DPYSL2: variants seen among roughly 807,000 people sequenced by gnomAD.
DPYSL2 encodes dihydropyrimidinase like 2, also known as dihydropyrimidinase-related protein 2.
In DPYSL2, 13 loss-of-function variants were observed where a neutral mutation model predicts 69.9. The observed-to-expected ratio is 0.19, with a 90% CI of 0.12 to 0.30. DPYSL2 has a LOEUF of 0.30. Among genes scored for constraint, DPYSL2 ranks in the 10% least tolerant of loss-of-function variants. The probability of loss-of-function intolerance (pLI) is 1.00; values close to 1 mark genes in which losing one functional copy is unlikely to be tolerated. For missense variants in DPYSL2, 587 were observed against 918.9 expected (o/e 0.64, Z 4.67); for synonymous variants, 326 against 359.1 (o/e 0.91, Z 1.04).
intron 1 of DPYSL2, among the ~76,000 whole-genome samples, chr8:26,519,319 C>T (rs1391396488): frequency 7.2e-5 from 11 of 152,176 alleles, no homozygotes; most frequent in Non-Finnish European, 4.4e-5. Context: ...TGTTTAATTA[C>T]CTCATTCTAG....
At chr8:26,601,257 G>A (rs191047664) in intron 3 of DPYSL2, among the ~76,000 whole-genome samples, 25 of 152,278 alleles carry the variant, frequency 1.6e-4, no homozygotes, top group Admixed American at 1.6e-3. Context: ...GGGAGAGGCT[G>A]AGGGACTTAC....
intron 4 of DPYSL2, among the ~76,000 whole-genome samples, chr8:26,625,910 C>T (rs1159021422): frequency 6.6e-6 from 1 of 152,100 alleles, no homozygotes; most frequent in Non-Finnish European, 1.5e-5. Context: ...AATGTTGTTG[C>T]AACCATCACC....
chr8:26,565,798 A>G lies in DPYSL2; in HGVS notation c.355-16171A>G, dbSNP rs1191005545. Reference sequence around the variant, plus strand: ...GTCCCCGCTCCATGCAATTAACTGGAAAGTCAAACTGCTGGTGGTTCTAAC... The same window carrying G: ...GTCCCCGCTCCATGCAATTAACTGGGAAGTCAAACTGCTGGTGGTTCTAAC... On this transcript the variant is annotated intron_variant, in intron 1 of 13. Transcript: ENST00000521913. The surrounding 1 kb of genome is among the most constrained non-coding windows in gnomAD (Gnocchi z 4.1). Among the ~76,000 whole-genome samples the G allele has an allele frequency of 6.6e-6, 1 of 152,188 alleles. No homozygotes were observed. The highest frequency in any genetic ancestry group is 1.5e-5 in the Non-Finnish European group (1 of 68,022).
chr8:26,618,499 T>G (rs991645138), intron 3 of DPYSL2, among the ~76,000 whole-genome samples: 4 of 68,736 alleles, frequency 5.8e-5, no homozygotes, highest in African/African-American at 1.1e-4. Flanking sequence ...TTTTTTTTTT[T>G]GTAGAGTTGG....
chr8:26,556,819 A>G (rs995696940), intron 1 of DPYSL2, among the ~76,000 whole-genome samples: 2 of 152,150 alleles, frequency 1.3e-5, no homozygotes, highest in African/African-American at 4.8e-5. Context: ...CAAATTAGAT[A>G]CCATCTGACT....
At chr8:26,576,048 T>TCA (rs1801322270) in intron 1 of DPYSL2, among the ~76,000 whole-genome samples, 2 of 152,224 alleles carry the variant, frequency 1.3e-5, no homozygotes, top group Non-Finnish European at 2.9e-5. Context: ...GCTTGCGGCA[T>TCA]ATCAGATTGC....
Position 26,652,582 on chromosome 8 carries a change from G to A in DPYSL2, c.1776+146G>A. 1.1e-6 allele frequency: 1 copy of A among 882,764 alleles called. No individual in the cohort carries two copies. The highest frequency in any genetic ancestry group is 1.7e-6 in the Non-Finnish European group (1 of 597,732). The allele number at this position is 882,764 out of a possible 1,614,324, so 54.7% of individuals were successfully genotyped here. On this transcript the variant is annotated intron_variant, in intron 12 of 13. Transcript: ENST00000521913. This position sits in a 1 kb window ranked among gnomAD's most constrained non-coding sequence, Gnocchi z 6.3. ...GAGGGAGCCTGAATTTTTTATTCCT[G>A]GCATTTAAAATACTGGAGAAGGAGT...
Position 26,652,511 on chromosome 8 carries a change from C to T in DPYSL2, c.1776+75C>T, listed in dbSNP as rs1212153289. On this transcript the variant is annotated intron_variant, in intron 12 of 13. Transcript: ENST00000521913. The surrounding 1 kb of genome is among the most constrained non-coding windows in gnomAD (Gnocchi z 6.3). ...CAAGGCCACAAACATTTATTAAGCA[C>T]CTTGAGACAGAATATTAAGATGAAT... 2 of 1,435,732 alleles carry T rather than the reference C, an allele frequency of 1.4e-6. No individual in the cohort carries two copies. Among genetic ancestry groups the T allele is most frequent in the South Asian group, 1.3e-5 (1 of 74,090 alleles). The allele number at this position is 1,435,732 out of a possible 1,614,324, so 88.9% of individuals were successfully genotyped here. A position where few individuals can be genotyped will look rare whatever the true frequency, so the allele number is the denominator to read the frequency against.
intron 1 of DPYSL2, among the ~76,000 whole-genome samples, chr8:26,528,616 C>T (rs62492701): frequency 0.013 from 1,940 of 150,232 alleles, 21 homozygotes; most frequent in Middle Eastern, 0.076. Flanking sequence ...CACTGCACTC[C>T]AGCCTGGCGA....
chr8:26,645,588 G>A (rs1181604591), intron 10 of DPYSL2, among the ~76,000 whole-genome samples: 2 of 152,090 alleles, frequency 1.3e-5, no homozygotes, highest in Non-Finnish European at 2.9e-5. Context: ...TTGAGATGGA[G>A]TCTCACTCTG....
rs146566376 is a variant in DPYSL2 at position 26,585,521 on chromosome 8, G to T, written c.628+1538G>T. On this transcript the variant is annotated intron_variant, in intron 3 of 13. Coordinates refer to ENST00000521913, the MANE Select transcript of DPYSL2 (RefSeq NM_001197293.3). This position sits in a 1 kb window ranked among gnomAD's most constrained non-coding sequence, Gnocchi z 4.0. Reference sequence around the variant, plus strand: ...CGACTTGTGTCTTGCTGTACATGTTGCCCTTTAACCTAGTGGGTGCCATTT... The same window carrying T: ...CGACTTGTGTCTTGCTGTACATGTTTCCCTTTAACCTAGTGGGTGCCATTT... 2.0e-5 allele frequency among the ~76,000 whole-genome samples: 3 copies of T among 152,210 alleles called. No individual in the cohort carries two copies. The East Asian group carries it at 5.8e-4, about 29-fold the overall frequency.
chr8:26,522,486 A>G (rs547742433), intron 1 of DPYSL2, among the ~76,000 whole-genome samples: 2 of 152,330 alleles, frequency 1.3e-5, no homozygotes, highest in South Asian at 2.1e-4. Flanking sequence ...GAAGGTTCCA[A>G]CTTCTGCACA....
At chr8:26,532,739 G>A (rs1450800890) in intron 1 of DPYSL2, among the ~76,000 whole-genome samples, 1 of 152,114 alleles carries the variant, frequency 6.6e-6, no homozygotes, top group Non-Finnish European at 1.5e-5. Flanking sequence ...TCCATTGTAT[G>A]GATATAATAC....
chr8:26,547,153 A>G (rs574763096), intron 1 of DPYSL2, among the ~76,000 whole-genome samples: 1 of 151,874 alleles, frequency 6.6e-6, no homozygotes, highest in South Asian at 2.1e-4. Flanking sequence ...GCTTGAGCCA[A>G]GGAGTTGGAG....
Position 26,624,364 on chromosome 8 carries a change from G to A in DPYSL2, c.793+57G>A. 1.3e-6 allele frequency: 2 copies of A among 1,585,178 alleles called. No homozygotes were observed. Among genetic ancestry groups the A allele is most frequent in the East Asian group, 2.2e-5 (1 of 44,596 alleles). ...ATGTTTCCGCTTCAGTCCATCAACT[G>A]GCACAGCCCTGGGAAGAAAGTGATA... On this transcript the variant is annotated intron_variant, in intron 4 of 13. Transcript: ENST00000521913. The surrounding 1 kb of genome is among the most constrained non-coding windows in gnomAD (Gnocchi z 4.7).
chr8:26,622,509 T>A lies in DPYSL2; in HGVS notation c.629-1634T>A, dbSNP rs903686462. ...GTGTGTGTGTGTGTATATATATATT[T>A]TTTTTTTTCTTGAGACAAGGCCTTG... On this transcript the variant is annotated intron_variant, in intron 3 of 13. Transcript: ENST00000521913. Among the ~76,000 whole-genome samples, 669 of 151,192 alleles carry A rather than the reference T, an allele frequency of 4.4e-3. 6 individuals are homozygous for A. Among genetic ancestry groups the A allele is most frequent in the African/African-American group, 9.5e-3 (390 of 41,216 alleles).
rs1803222382 is a variant in DPYSL2 at position 26,648,725 on chromosome 8, C to T, written c.1596+925C>T. 6.6e-6 allele frequency among the ~76,000 whole-genome samples: 1 copy of T among 152,230 alleles called. No homozygotes were observed. The highest frequency in any genetic ancestry group is 1.5e-5 in the Non-Finnish European group (1 of 68,042). Reference sequence around the variant, plus strand: ...CCCCACACACCACGACAGCTTAGGGCAGGTTTCTGGCATTTCTCCGGGACA... The same window carrying T: ...CCCCACACACCACGACAGCTTAGGGTAGGTTTCTGGCATTTCTCCGGGACA... On this transcript the variant is annotated intron_variant, in intron 11 of 13. Coordinates refer to ENST00000521913, the MANE Select transcript of DPYSL2 (RefSeq NM_001197293.3). The surrounding 1 kb of genome is among the most constrained non-coding windows in gnomAD (Gnocchi z 4.3).
chr8:26,633,037 G>T (rs931151104), intron 7 of DPYSL2, among the ~76,000 whole-genome samples: 3 of 152,212 alleles, frequency 2.0e-5, no homozygotes, highest in Admixed American at 6.5e-5. Flanking sequence ...AGCTCTGGTG[G>T]AGACAAGGTA....
At chr8:26,552,301 A>G (rs996420997) in intron 1 of DPYSL2, among the ~76,000 whole-genome samples, 2 of 152,256 alleles carry the variant, frequency 1.3e-5, no homozygotes, top group African/African-American at 4.8e-5. Context: ...AATATCTAAT[A>G]TCAATAATCT....
Sources: allele counts gnomAD v4.1 joint callset (sites outside exome capture counted in the v4.1 genomes callset), GRCh38; gene constraint gnomAD v4.1.1; non-coding constraint Gnocchi (gnomAD v3.1); transcripts MANE v1.5; gene names NCBI Gene and HGNC (gene_info 2026-07-23, HGNC 2026-07-21).